Variants in CA2 observed in about 807,000 individuals in gnomAD.
The protein encoded by CA2 is carbonate dehydratase II.
Under a neutral mutation model 27.8 loss-of-function variants are expected in CA2, and 23 were observed. That is an observed-to-expected ratio of 0.83 (90% CI 0.59 to 1.17). The LOEUF (loss-of-function observed/expected upper bound fraction) is 1.17. Ranked by LOEUF, CA2 falls within the 50% of genes most tolerant of loss-of-function variation. CA2 has a pLI of 0.00. For missense variants in CA2, 300 were observed against 314.7 expected (o/e 0.95, Z 0.35); for synonymous variants, 99 against 114.9 (o/e 0.86, Z 0.88).
chr8:85,464,393 C>A (rs2130541085), intron 1 of CA2: 3 of 421,766 alleles, frequency 7.1e-6, no homozygotes, highest in African/African-American at 4.2e-5. Flanking sequence ...GAGGCGCAGC[C>A]CTGGCCGCGG....
chr8:85,464,472 A>G (rs533415520), intron 1 of CA2: 210 of 240,534 alleles, frequency 8.7e-4, no homozygotes, highest in African/African-American at 4.4e-3. Flanking sequence ...AGGAGGCGGG[A>G]AAGGGTTGTA....
Position 85,465,279 on chromosome 8 carries a change from G to C in CA2, c.42G>C (p.Glu14Asp). 6.2e-7 allele frequency: 1 copy of C among 1,613,840 alleles called. No homozygotes were observed. Among genetic ancestry groups the C allele is most frequent in the South Asian group, 1.1e-5 (1 of 91,078 alleles). ...HWGYGKHNGP[E>D]HWHKDFPIAK... ...ATGTCTTCTTTCCCCCAGGACCTGA[G>C]CACTGGCATAAGGACTTCCCCATTG... is the stretch of plus-strand genomic sequence containing the variant. The change falls in exon 2 of 7, where the codon GAG (glutamate) becomes GAC (aspartate). Residue 14 changes from glutamate to aspartate, a missense_variant. Glu to Asp is a conservative substitution (Grantham distance 45). Transcript: ENST00000285379.
chr8:85,481,091 A>T lies in CA2; in HGVS notation c.*302A>T, dbSNP rs116816904. ...GTTCACAGCATGTAGGGTGATGAGC[A>T]CTCACAATTGTTGACTAAAATGCTG... On this transcript the variant is annotated 3_prime_UTR_variant, in exon 7 of 7. Coordinates refer to ENST00000285379, the MANE Select transcript of CA2 (RefSeq NM_000067.3). The T allele has an allele frequency of 8.7e-4, 300 of 344,286 alleles. No individual in the cohort carries two copies. The highest frequency in any genetic ancestry group is 6.0e-3 in the African/African-American group (289 of 47,832). 21.3% of individuals were successfully genotyped at this position (344,286 alleles called of 1,614,324 possible).
Position 85,473,820 on chromosome 8 carries a change from TAC to T in CA2, c.351+10_351+11del. 7.2e-7 allele frequency: 1 copy of T among 1,396,512 alleles called. No homozygotes were observed. The highest frequency in any genetic ancestry group is 1.2e-5 in the South Asian group (1 of 86,558). 86.5% of individuals were successfully genotyped at this position (1,396,512 alleles called of 1,614,324 possible). ...AGAAATATGCTGCAGAAGTAAGATATACTTTTTTTTTTCTTTCCAGGGAAAAA... is the reference window on the plus strand; with the variant it reads ...AGAAATATGCTGCAGAAGTAAGATATTTTTTTTTTTCTTTCCAGGGAAAAA... On this transcript the variant is annotated intron_variant, in intron 3 of 6. Coordinates refer to ENST00000285379, the MANE Select transcript of CA2 (RefSeq NM_000067.3).
intron 4 of CA2, among the ~76,000 whole-genome samples, chr8:85,475,301 G>T (rs1294411449): frequency 6.8e-6 from 1 of 146,832 alleles, no homozygotes; most frequent in Non-Finnish European, 1.5e-5. Context: ...CAGCCTAGGG[G>T]TTGAGGTTGC....
chr8:85,474,677 A>G, intron 4 of CA2: 1 of 476,202 alleles, frequency 2.1e-6, no homozygotes, highest in Non-Finnish European at 3.8e-6. Flanking sequence ...GGTGACTGCT[A>G]GGTGTTTGTT....
intron 6 of CA2, among the ~76,000 whole-genome samples, chr8:85,478,047 C>T (rs1811831662): frequency 6.6e-6 from 1 of 152,172 alleles, no homozygotes; most frequent in Admixed American, 6.5e-5. Flanking sequence ...TACAAAAATG[C>T]TGAATAATAG....
rs1307520265 is a variant in CA2 at position 85,480,732 on chromosome 8, C to T, written c.726C>T (p.Asp242=). ...GTGAACCCGAAGAACTGATGGTGGA[C>T]AACTGGCGCCCAGCTCAGCCACTGA... ...GEGEPEELMV[D]NWRPAQPLKN... The change falls in exon 7 of 7, where the codon GAC becomes GAT. Residue 242 remains aspartate, a synonymous_variant. Coordinates refer to ENST00000285379, the MANE Select transcript of CA2 (RefSeq NM_000067.3). 6.2e-7 allele frequency: 1 copy of T among 1,613,762 alleles called. No homozygotes were observed. The highest frequency in any genetic ancestry group is 1.7e-5 in the Admixed American group (1 of 59,964).
At position 85,466,172 on chromosome 8, in the gene CA2, C is replaced by CTT. The variant is rs543619688; in HGVS notation, c.232+714_232+715dup. ...AAGAGAAAGAAGAAAAAAAATCCTG[C>CTT]TTTTTTTTTTTTATCTCTCTCTCTT... On this transcript the variant is annotated intron_variant, in intron 2 of 6. Transcript: ENST00000285379. 1.8e-4 allele frequency among the ~76,000 whole-genome samples: 26 copies of CTT among 140,908 alleles called. No individual in the cohort carries two copies. In the South Asian group the frequency reaches 3.4e-3, roughly 18 times the overall value. 92.4% of individuals were successfully genotyped at this position (140,908 alleles called of 152,430 possible).
intron 6 of CA2, among the ~76,000 whole-genome samples, chr8:85,479,568 G>A (rs1032856134): frequency 6.6e-6 from 1 of 152,014 alleles, no homozygotes; most frequent in Non-Finnish European, 1.5e-5. Flanking sequence ...TTAGAGGGGG[G>A]AAAGTAGCAC....
chr8:85,473,667 CAT>C (rs372410437), intron 2 of CA2, 24 bp from the exon 3 acceptor site: 186 of 1,069,790 alleles, frequency 1.7e-4, no homozygotes, highest in Non-Finnish European at 2.2e-4. Flanking sequence ...ATATATGTTA[CAT>C]ATATATATAT....
chr8:85,480,741 C>A lies in CA2; in HGVS notation c.735C>A (p.Arg245=). ...EPEELMVDNW[R]PAQPLKNRQI... is the part of the protein sequence containing the mutation. ...AAGAACTGATGGTGGACAACTGGCG[C>A]CCAGCTCAGCCACTGAAGAACAGGC... The change falls in exon 7 of 7, where the codon CGC becomes CGA. Residue 245 remains arginine, a synonymous_variant. Transcript: ENST00000285379. 6.2e-7 allele frequency: 1 copy of A among 1,613,928 alleles called. No individual in the cohort carries two copies. The highest frequency in any genetic ancestry group is 8.5e-7 in the Non-Finnish European group (1 of 1,179,892).
At chr8:85,465,004 T>C (rs1410654000) in intron 1 of CA2, 2 of 408,402 alleles carry the variant, frequency 4.9e-6, no homozygotes, top group Admixed American at 3.9e-5. Context: ...ATAGCTAATA[T>C]TTATATAGCA....
chr8:85,477,221 G>A lies in CA2; in HGVS notation c.609G>A (p.Leu203=). Residue 203 remains leucine, a synonymous_variant, in exon 6 of 7, where the codon CTG becomes CTA. Transcript: ENST00000285379. Reference sequence around the variant, plus strand: ...GCTCACTGACCACCCCTCCTCTTCTGGAATGTGTGACCTGGATTGTGCTCA... The same window carrying A: ...GCTCACTGACCACCCCTCCTCTTCTAGAATGTGTGACCTGGATTGTGCTCA... The part of the protein sequence containing the change: ...YPGSLTTPPL[L]ECVTWIVLKE... The A allele has an allele frequency of 6.2e-7, 1 of 1,614,034 alleles. No homozygotes were observed. Among genetic ancestry groups the A allele is most frequent in the Non-Finnish European group, 8.5e-7 (1 of 1,179,988 alleles).
At chr8:85,465,194 C>A (rs1005755019) in intron 1 of CA2, 78 bp from the exon 2 acceptor site, 2 of 1,223,670 alleles carry the variant, frequency 1.6e-6, no homozygotes, top group African/African-American at 3.0e-5. Context: ...AGATTGGCTC[C>A]GGAATGATTG....
intron 2 of CA2, among the ~76,000 whole-genome samples, chr8:85,465,684 C>A (rs1811619205): frequency 6.6e-6 from 1 of 152,182 alleles, no homozygotes; most frequent in Admixed American, 6.5e-5. Flanking sequence ...CTGTAAAACC[C>A]TTGGCTTCTA....
At chr8:85,465,056 T>C (rs1388303710) in intron 1 of CA2, 2 of 562,042 alleles carry the variant, frequency 3.6e-6, no homozygotes, top group Non-Finnish European at 6.4e-6. Flanking sequence ...TTCTAATTCT[T>C]ACAGCGACAT....
chr8:85,474,877 TG>T (rs1406425660), intron 4 of CA2, among the ~76,000 whole-genome samples: 1 of 152,152 alleles, frequency 6.6e-6, no homozygotes, highest in African/African-American at 2.4e-5. Flanking sequence ...CTGATTCATA[TG>T]TTGAGGTGGA....
At chr8:85,478,252 G>A (rs1317872241) in intron 6 of CA2, among the ~76,000 whole-genome samples, 1 of 152,108 alleles carries the variant, frequency 6.6e-6, no homozygotes, top group Non-Finnish European at 1.5e-5. Context: ...ACTTATGAAT[G>A]CTGAAGATAC....
Sources: allele counts gnomAD v4.1 joint callset (sites outside exome capture counted in the v4.1 genomes callset), GRCh38; gene constraint gnomAD v4.1.1; transcripts MANE v1.5; gene names NCBI Gene and HGNC (gene_info 2026-07-23, HGNC 2026-07-21).